ATAD1: variants seen among roughly 807,000 people sequenced by gnomAD.
ATAD1 encodes the protein outer mitochondrial transmembrane helix translocase.
Under a neutral mutation model 42.7 loss-of-function variants are expected in ATAD1, and 18 were observed. That is an observed-to-expected ratio of 0.42 (90% CI 0.29 to 0.63). ATAD1 has a LOEUF of 0.63. Among genes scored for constraint, ATAD1 ranks in the 20% least tolerant of loss-of-function variants. The probability of loss-of-function intolerance (pLI) is 0.19; values close to 1 mark genes in which losing one functional copy is unlikely to be tolerated. For missense variants in ATAD1, 294 were observed against 440.4 expected (o/e 0.67, Z 2.98); for synonymous variants, 132 against 143.1 (o/e 0.92, Z 0.55).
At position 87,754,119 on chromosome 10, in the gene ATAD1, C is replaced by T. The variant is rs982240314; in HGVS notation, c.*568G>A. 2.0e-5 allele frequency: 3 copies of T among 152,520 alleles called. No homozygotes were observed. Among genetic ancestry groups the T allele is most frequent in the African/African-American group, 2.4e-5 (1 of 41,428 alleles). 9.4% of individuals were successfully genotyped at this position (152,520 alleles called of 1,614,324 possible). ...ACACTCAACTTAAAAAAGGTTGAAA[C>T]AAATGACAAATGGAAATGGCTGAAT... On this transcript the variant is annotated 3_prime_UTR_variant, in exon 10 of 10. Transcript: ENST00000680024.
chr10:87,767,842 C>T, intron 7 of ATAD1, 119 bp from the exon 8 acceptor site: 1 of 969,158 alleles, frequency 1.0e-6, no homozygotes. Flanking sequence ...AAGGAGATGA[C>T]AGAAACTTTG....
At chr10:87,828,880 G>A (rs1442171400) in intron 1 of ATAD1, among the ~76,000 whole-genome samples, 2 of 152,262 alleles carry the variant, frequency 1.3e-5, no homozygotes, top group East Asian at 1.9e-4. Flanking sequence ...GAACAACAAA[G>A]CTGGGATGAC....
intron 1 of ATAD1, among the ~76,000 whole-genome samples, chr10:87,839,443 G>C (rs1241409936): frequency 6.6e-6 from 1 of 152,186 alleles, no homozygotes; most frequent in Non-Finnish European, 1.5e-5. Context: ...TAATATAAAT[G>C]AGTAGAAGGA....
At chr10:87,836,872 T>G (rs952158798) in intron 1 of ATAD1, among the ~76,000 whole-genome samples, 3 of 152,212 alleles carry the variant, frequency 2.0e-5, no homozygotes, top group African/African-American at 7.2e-5. Context: ...CCCCCAATAC[T>G]TTTTCTCTCC....
chr10:87,820,409 G>A (rs1403275687), upstream of ATAD1, among the ~76,000 whole-genome samples: 1 of 152,182 alleles, frequency 6.6e-6, no homozygotes, highest in Non-Finnish European at 1.5e-5. Context: ...GGACCAGGGT[G>A]ACCAGCCTAC....
rs561747899 is a variant in ATAD1, at chr10:87,777,791, C to T, written c.584-1364G>A. 2.0e-5 allele frequency among the ~76,000 whole-genome samples: 3 copies of T among 152,204 alleles called. No homozygotes were observed. The South Asian group carries it at 6.2e-4, about 32-fold the overall frequency. On this transcript the variant is annotated intron_variant, in intron 5 of 9. Transcript: ENST00000680024. ...TATCTTGTAATGTGCTATGTCCACA[C>T]TTCAAAAAAGTATTTTTTATAAAAA...
intron 2 of ATAD1, among the ~76,000 whole-genome samples, chr10:87,807,017 C>T (rs1393439497): frequency 6.6e-6 from 1 of 152,132 alleles, no homozygotes; most frequent in Non-Finnish European, 1.5e-5. Flanking sequence ...TGCCAAGATA[C>T]TATATACACT....
At chr10:87,831,338 G>A (rs1589577156) in intron 1 of ATAD1, among the ~76,000 whole-genome samples, 1 of 152,126 alleles carries the variant, frequency 6.6e-6, no homozygotes, top group African/African-American at 2.4e-5. Context: ...TCCCTTTACT[G>A]AGCCTAAATA....
Position 87,814,615 on chromosome 10 carries a change from TA to T in ATAD1, c.-13-4del. The T allele has an allele frequency of 6.3e-7, 1 of 1,580,656 alleles. No homozygotes were observed. Among genetic ancestry groups the T allele is most frequent in the Non-Finnish European group, 8.6e-7 (1 of 1,165,502 alleles). ...CATGTACCATCTTGAATGTTAACCT[TA>T]AAAAAACAAACAGAAATGTCACTAG... is the stretch of plus-strand genomic sequence containing the variant. On this transcript the variant is annotated splice_polypyrimidine_tract_variant and splice_region_variant and intron_variant, in intron 1 of 9. Transcript: ENST00000680024.
In ATAD1 at chr10:87,818,204, G is replaced by C. The variant is rs913500708; in HGVS notation, c.-51C>G. On this transcript the variant is annotated 5_prime_UTR_variant, in exon 1 of 10. Transcript: ENST00000680024. ...ACAGCAAGAGCAAGTGCCCTCAGCCGGCCTCACACAGGAAGGAAACGCAAC... is the reference window on the plus strand; with the variant it reads ...ACAGCAAGAGCAAGTGCCCTCAGCCCGCCTCACACAGGAAGGAAACGCAAC... The C allele has an allele frequency of 1.2e-5, 12 of 985,578 alleles. No individual in the cohort carries two copies. The East Asian group carries it at 1.1e-3, about 93-fold the overall frequency. The allele number at this position is 985,578 out of a possible 1,614,324, so 61.1% of individuals were successfully genotyped here. A position where few individuals can be genotyped will look rare whatever the true frequency, so the allele number is the denominator to read the frequency against.
At chr10:87,826,254 G>C (rs943641069) in intron 1 of ATAD1, among the ~76,000 whole-genome samples, 1 of 152,212 alleles carries the variant, frequency 6.6e-6, no homozygotes, top group African/African-American at 2.4e-5. Flanking sequence ...TGGCAGGGAT[G>C]AAAGTCTCAT....
intron 2 of ATAD1, among the ~76,000 whole-genome samples, chr10:87,804,908 C>T (rs765634743): frequency 2.8e-4 from 42 of 152,142 alleles, no homozygotes; most frequent in Non-Finnish European, 4.6e-4. Context: ...GAAACCATCT[C>T]CTCTCTCATT....
intron 1 of ATAD1, among the ~76,000 whole-genome samples, chr10:87,835,267 T>A (rs1380231638): frequency 6.6e-6 from 1 of 152,096 alleles, no homozygotes; most frequent in Admixed American, 6.6e-5. Context: ...TGGTTCAATT[T>A]TTCTATATTT....
intron 4 of ATAD1, among the ~76,000 whole-genome samples, chr10:87,787,105 T>A (rs1206878401): frequency 2.0e-5 from 3 of 152,208 alleles, no homozygotes; most frequent in Non-Finnish European, 4.4e-5. Context: ...GGGTGACAAA[T>A]GAGTACTGCA....
At chr10:87,766,192 T>C (rs1854739937) in intron 8 of ATAD1, among the ~76,000 whole-genome samples, 1 of 152,158 alleles carries the variant, frequency 6.6e-6, no homozygotes, top group South Asian at 2.1e-4. Flanking sequence ...AATGTGGCAA[T>C]AGCTACCAAA....
chr10:87,787,401 C>T (rs1273913562), intron 4 of ATAD1, among the ~76,000 whole-genome samples: 3 of 152,194 alleles, frequency 2.0e-5, no homozygotes, highest in Non-Finnish European at 2.9e-5. Context: ...AGGAGGATAA[C>T]GAGCCCAGGA....
chr10:87,772,413 T>A (rs1855089828), intron 6 of ATAD1, among the ~76,000 whole-genome samples: 1 of 152,076 alleles, frequency 6.6e-6, no homozygotes, highest in African/African-American at 2.4e-5. Context: ...ACACCCAGCC[T>A]CTTTATTGAC....
At chr10:87,786,443 A>G (rs1420165729) in intron 4 of ATAD1, among the ~76,000 whole-genome samples, 2 of 152,192 alleles carry the variant, frequency 1.3e-5, no homozygotes, top group East Asian at 3.9e-4. Context: ...GTTACTTTTT[A>G]GCAGGATTAA....
intron 2 of ATAD1, among the ~76,000 whole-genome samples, chr10:87,800,024 T>C (rs1000582959): frequency 8.6e-5 from 13 of 151,602 alleles, no homozygotes; most frequent in African/African-American, 3.1e-4. Context: ...AAGAGGATGG[T>C]CAGGACAAAC....
Sources: gnomAD v4.1 joint callset for allele counts (sites outside exome capture counted in the v4.1 genomes callset) on GRCh38, gnomAD v4.1.1 for gene constraint, MANE v1.5 for transcripts, NCBI Gene and HGNC (gene_info 2026-07-23, HGNC 2026-07-21) for gene names.